DLC1: variants seen among roughly 807,000 people sequenced by gnomAD.
DLC1 encodes DLC1 Rho GTPase activating protein.
A neutral mutation model predicts 140.3 loss-of-function variants in DLC1; 54 were observed. The ratio of observed to expected loss-of-function variants is 0.38; its 90% CI spans 0.31 to 0.48. The LOEUF (loss-of-function observed/expected upper bound fraction) is 0.48. Among genes scored for constraint, DLC1 ranks in the 20% least tolerant of loss-of-function variants. DLC1 has a pLI of 0.96. For synonymous variants in DLC1, 986 were observed against 728.1 expected (o/e 1.35, Z -5.70); for missense variants, 2,536 against 1,907.0 (o/e 1.33, Z -6.14).
Position 13,209,638 on chromosome 8 carries a change from T to C in DLC1, c.1349-93981A>G, listed in dbSNP as rs1827841591. 2.0e-5 allele frequency among the ~76,000 whole-genome samples: 3 copies of C among 152,160 alleles called. No homozygotes were observed. The South Asian group carries it at 6.2e-4, about 32-fold the overall frequency. On this transcript the variant is annotated intron_variant, in intron 5 of 17. Transcript: ENST00000276297. ...TCGGGTCTTGGGGGTGGATTTCTCA[T>C]GAATGGTTTAGCACCATCCTCTTGG...
chr8:13,459,340 C>G (rs988973930), intron 2 of DLC1, among the ~76,000 whole-genome samples: 2 of 152,124 alleles, frequency 1.3e-5, no homozygotes, highest in Non-Finnish European at 2.9e-5. Flanking sequence ...ATCCCAATGT[C>G]AGAAGGTGGT....
At chr8:13,287,787 A>G (rs544110386) in intron 5 of DLC1, among the ~76,000 whole-genome samples, 4 of 152,260 alleles carry the variant, frequency 2.6e-5, no homozygotes, top group East Asian at 1.9e-4. Context: ...TTCAAAGATA[A>G]AGAAAGGATA....
At chr8:13,231,208 G>C (rs935160786) in intron 5 of DLC1, among the ~76,000 whole-genome samples, 1 of 151,194 alleles carries the variant, frequency 6.6e-6, no homozygotes, top group African/African-American at 2.4e-5. Context: ...TTTAAATCCT[G>C]ACAGGAAGAT....
intron 5 of DLC1, among the ~76,000 whole-genome samples, chr8:13,147,758 G>T (rs1823538125): frequency 6.6e-6 from 1 of 152,104 alleles, no homozygotes. Context: ...GGGAGGCCTA[G>T]GCGGGCGGAT....
chr8:13,365,583 C>T (rs2117094040), intron 4 of DLC1, among the ~76,000 whole-genome samples: 1 of 152,264 alleles, frequency 6.6e-6, no homozygotes, highest in South Asian at 2.1e-4. Flanking sequence ...ATGTTGGAGT[C>T]CACCTTGCTT....
At chr8:13,332,050 T>C (rs1014356691) in intron 4 of DLC1, among the ~76,000 whole-genome samples, 13 of 152,186 alleles carry the variant, frequency 8.5e-5, no homozygotes, top group African/African-American at 3.1e-4. Context: ...ACTGATAAAT[T>C]AGCTTCAGCA....
intron 5 of DLC1, among the ~76,000 whole-genome samples, chr8:13,240,763 T>C (rs1829512339): frequency 6.6e-6 from 1 of 152,244 alleles, no homozygotes; most frequent in Non-Finnish European, 1.5e-5. Flanking sequence ...TAACTTTCAC[T>C]GCCTAAGTTG....
chr8:13,404,028 C>A (rs1365489903), intron 2 of DLC1, among the ~76,000 whole-genome samples: 2 of 151,920 alleles, frequency 1.3e-5, no homozygotes, highest in Admixed American at 6.6e-5. Context: ...TGCTCTTTAT[C>A]CTAAGGTTAT....
intron 3 of DLC1, among the ~76,000 whole-genome samples, chr8:13,398,187 G>A (rs1319142120): frequency 6.6e-6 from 1 of 151,930 alleles, no homozygotes; most frequent in African/African-American, 2.4e-5. Context: ...AATCAAGAAA[G>A]AAATTAAGAC....
Position 13,114,310 on chromosome 8 carries a change from CA to C in DLC1, c.1420+1275del, listed in dbSNP as rs1203754013. On this transcript the variant is annotated intron_variant, in intron 6 of 17. Transcript: ENST00000276297. ...CCGGGAGGCAGAGGTTGCAGTGAGC[CA>C]AAATCACACCACTGAACTCCAGCCA... Among the ~76,000 whole-genome samples, 3 of 152,176 alleles carry C rather than the reference CA, an allele frequency of 2.0e-5. No individual in the cohort carries two copies. In the East Asian group the frequency reaches 5.8e-4, roughly 29 times the overall value.
intron 4 of DLC1, among the ~76,000 whole-genome samples, chr8:13,391,421 G>T (rs933771292): frequency 2.0e-5 from 3 of 152,052 alleles, no homozygotes; most frequent in Non-Finnish European, 2.9e-5. Flanking sequence ...GAAAATATTT[G>T]ATTTGGAGTA....
chr8:13,469,596 G>A (rs934310901), intron 2 of DLC1, among the ~76,000 whole-genome samples: 3 of 152,076 alleles, frequency 2.0e-5, no homozygotes, highest in Admixed American at 6.6e-5. Flanking sequence ...TATTCACAAA[G>A]GTAAATGATA....
At chr8:13,442,952 C>A (rs1798593634) in intron 2 of DLC1, among the ~76,000 whole-genome samples, 1 of 152,090 alleles carries the variant, frequency 6.6e-6, no homozygotes, top group African/African-American at 2.4e-5. Context: ...TTGGAACCAA[C>A]CCAAATGTCC....
intron 7 of DLC1, among the ~76,000 whole-genome samples, chr8:13,109,067 A>T (rs1187703819): frequency 2.0e-5 from 3 of 152,192 alleles, no homozygotes; most frequent in Non-Finnish European, 4.4e-5. Context: ...CTCTTAAACC[A>T]TGAGAACTAG....
chr8:13,321,694 G>A (rs1833132705), intron 4 of DLC1, among the ~76,000 whole-genome samples: 1 of 151,966 alleles, frequency 6.6e-6, no homozygotes, highest in African/African-American at 2.4e-5. Flanking sequence ...CCTTGAATCA[G>A]GAGGATAATT....
chr8:13,476,067 A>C (rs1262743746), intron 2 of DLC1, among the ~76,000 whole-genome samples: 1 of 152,196 alleles, frequency 6.6e-6, no homozygotes, highest in African/African-American at 2.4e-5. Context: ...AGCAGAAAGA[A>C]ACTGCAGGGG....
intron 4 of DLC1, among the ~76,000 whole-genome samples, chr8:13,312,188 C>G (rs1006223391): frequency 1.4e-5 from 2 of 139,932 alleles, no homozygotes; most frequent in Non-Finnish European, 3.1e-5. Context: ...GGTGAAACCC[C>G]GTCTCTACTA....
intron 2 of DLC1, among the ~76,000 whole-genome samples, chr8:13,466,267 G>A (rs944173544): frequency 3.9e-5 from 6 of 152,158 alleles, no homozygotes; most frequent in East Asian, 1.9e-4. Flanking sequence ...CTGAGCCTGC[G>A]TGTTCTGGAC....
At chr8:13,253,532 A>G (rs1230487534) in intron 5 of DLC1, among the ~76,000 whole-genome samples, 1 of 152,220 alleles carries the variant, frequency 6.6e-6, no homozygotes, top group African/African-American at 2.4e-5. Flanking sequence ...AAGGGAAAAC[A>G]GCTATCAAAA....
Sources: gnomAD v4.1 joint callset for allele counts (sites outside exome capture counted in the v4.1 genomes callset) on GRCh38, gnomAD v4.1.1 for gene constraint, MANE v1.5 for transcripts, NCBI Gene and HGNC (gene_info 2026-07-23, HGNC 2026-07-21) for gene names.